The following FOXP1 variants were observed in gnomAD, a reference collection of about 807,000 sequenced individuals.
The protein encoded by FOXP1 is forkhead box P1, also known as forkhead box protein P1.
In FOXP1, 15 loss-of-function variants were observed where a neutral mutation model predicts 98.2. The ratio of observed to expected loss-of-function variants is 0.15; its 90% confidence interval spans 0.10 to 0.24. The LOEUF (loss-of-function observed/expected upper bound fraction) is 0.24, where lower values mean the gene tolerates loss of function less well. Ranked by LOEUF, FOXP1 falls within the 10% of genes least tolerant of loss-of-function variation. The pLI, the probability that FOXP1 is intolerant of heterozygous loss-of-function variation, is 1.00. For missense variants in FOXP1, 633 were observed against 848.5 expected (o/e 0.75, Z 3.15); for synonymous variants, 371 against 314.5 (o/e 1.18, Z -1.90).
chr3:71,112,466 C>T (rs1263187254), intron 7 of FOXP1, 70 bp downstream of exon 7: 2 of 1,199,076 alleles, frequency 1.7e-6, no homozygotes, highest in Admixed American at 1.7e-5. Flanking sequence ...TCAACACAAT[C>T]CACTCCTGAA....
At chr3:71,415,662 G>A (rs2083155908) in intron 3 of FOXP1, among the ~76,000 whole-genome samples, 1 of 151,736 alleles carries the variant, frequency 6.6e-6, no homozygotes, top group South Asian at 2.1e-4. Flanking sequence ...TCATTAGGAA[G>A]TGTAAGTGTA....
chr3:71,521,241 G>A (rs2042961821), intron 2 of FOXP1, among the ~76,000 whole-genome samples: 1 of 152,110 alleles, frequency 6.6e-6, no homozygotes, highest in African/African-American at 2.4e-5. Flanking sequence ...ATATAAGAAG[G>A]GGCCAGGAGG....
chr3:71,287,626 G>A (rs1003469203), intron 5 of FOXP1, among the ~76,000 whole-genome samples: 10 of 151,596 alleles, frequency 6.6e-5, no homozygotes, highest in Admixed American at 5.9e-4. Flanking sequence ...CTAAAAATAC[G>A]AAAATTAGCT....
chr3:71,106,171 AG>A (rs1417414900), intron 7 of FOXP1, among the ~76,000 whole-genome samples: 1 of 152,222 alleles, frequency 6.6e-6, no homozygotes, highest in Admixed American at 6.5e-5. Context: ...AGAGTAGCTA[AG>A]GAGCTGGCCC....
intron 12 of FOXP1, among the ~76,000 whole-genome samples, chr3:71,010,805 C>T (rs1213762264): frequency 6.6e-6 from 1 of 151,972 alleles, no homozygotes; most frequent in Non-Finnish European, 1.5e-5. Context: ...GTACTTGATG[C>T]ATCACTCTCT....
intron 13 of FOXP1, among the ~76,000 whole-genome samples, chr3:70,998,429 C>G (rs986447498): frequency 6.6e-6 from 1 of 152,138 alleles, no homozygotes; most frequent in African/African-American, 2.4e-5. Flanking sequence ...TGAGATTTGG[C>G]CTGGGGTCTG....
intron 3 of FOXP1, among the ~76,000 whole-genome samples, chr3:71,482,139 A>G (rs768353179): frequency 6.6e-6 from 1 of 152,162 alleles, no homozygotes; most frequent in Non-Finnish European, 1.5e-5. Context: ...TGATAAATTA[A>G]GGAACATTTA....
At chr3:71,187,170 T>A (rs1019413206) in intron 6 of FOXP1, among the ~76,000 whole-genome samples, 1 of 152,276 alleles carries the variant, frequency 6.6e-6, no homozygotes, top group Non-Finnish European at 1.5e-5. Context: ...TTTAAAATTA[T>A]GTACAGAATG....
chr3:71,317,552 T>A (rs375508460), intron 4 of FOXP1, among the ~76,000 whole-genome samples: 4 of 152,328 alleles, frequency 2.6e-5, no homozygotes, highest in African/African-American at 7.2e-5. Context: ...GGGAAAGCAA[T>A]TTGGGCTTCT....
At chr3:71,176,587 G>C (rs2061948503) in intron 6 of FOXP1, among the ~76,000 whole-genome samples, 1 of 151,854 alleles carries the variant, frequency 6.6e-6, no homozygotes, top group Admixed American at 6.6e-5. Context: ...TAAAACAAAG[G>C]CCTGCTGGCT....
chr3:71,261,339 A>G (rs993310256), intron 5 of FOXP1, among the ~76,000 whole-genome samples: 2 of 152,112 alleles, frequency 1.3e-5, no homozygotes, highest in African/African-American at 4.8e-5. Context: ...ATTTTTTTTA[A>G]CTTTAGTTTC....
At chr3:71,495,127 T>A (rs1386536238) in intron 2 of FOXP1, among the ~76,000 whole-genome samples, 1 of 152,198 alleles carries the variant, frequency 6.6e-6, no homozygotes, top group Non-Finnish European at 1.5e-5. Flanking sequence ...CTCCTTTTGT[T>A]TCAAGCAAGG....
At chr3:71,156,307 T>C (rs2108100740) in intron 6 of FOXP1, among the ~76,000 whole-genome samples, 1 of 152,288 alleles carries the variant, frequency 6.6e-6, no homozygotes, top group East Asian at 1.9e-4. Context: ...CCTGTATCAC[T>C]TTCTTTCATC....
intron 3 of FOXP1, among the ~76,000 whole-genome samples, chr3:71,424,230 C>T (rs1002604687): frequency 1.3e-5 from 2 of 152,178 alleles, no homozygotes; most frequent in Admixed American, 6.5e-5. Context: ...TTTTGGCGAC[C>T]AGGCAAACAG....
At chr3:71,561,491 T>C (rs960570343) in intron 2 of FOXP1, among the ~76,000 whole-genome samples, 26 of 152,124 alleles carry the variant, frequency 1.7e-4, no homozygotes, top group Non-Finnish European at 3.1e-4. Context: ...TACAGTATTT[T>C]AGATGAAATA....
Position 71,399,049 on chromosome 3 carries a change from T to C in FOXP1, c.-167-39805A>G, listed in dbSNP as rs115506388. Reference sequence around the variant, plus strand: ...TAGCTTGATTTAGACATAAAAGTTATTTGTGATGCCTCGCTGATTATAATA... The same window carrying C: ...TAGCTTGATTTAGACATAAAAGTTACTTGTGATGCCTCGCTGATTATAATA... On this transcript the variant is annotated intron_variant, in intron 3 of 20. Coordinates refer to ENST00000649528, the MANE Select transcript of FOXP1 (RefSeq NM_001349338.3). 3.5e-3 allele frequency among the ~76,000 whole-genome samples: 533 copies of C among 152,304 alleles called. 4 individuals carry two copies. Among genetic ancestry groups the C allele is most frequent in the African/African-American group, 0.012 (516 of 41,570 alleles).
chr3:71,230,109 A>G lies in FOXP1; in HGVS notation c.-11-31717T>C, dbSNP rs1458504025. 1.2e-4 allele frequency among the ~76,000 whole-genome samples: 13 copies of G among 107,000 alleles called. No homozygotes were observed. The Admixed American group carries it at 1.4e-3, about 12-fold the overall frequency. 70.2% of individuals were successfully genotyped at this position (107,000 alleles called of 152,430 possible). A position where few individuals can be genotyped will look rare whatever the true frequency, so the allele number is the denominator to read the frequency against. The stretch of plus-strand genomic sequence containing the variant: ...AAAGATACCAGCAGCCAAAGCAGAC[A>G]CCACTGGGGAGGGGTGGGTGGGGGA... On this transcript the variant is annotated intron_variant, in intron 5 of 20. Coordinates refer to ENST00000649528, the MANE Select transcript of FOXP1 (RefSeq NM_001349338.3).
chr3:71,563,599 G>A (rs780298498), intron 2 of FOXP1, among the ~76,000 whole-genome samples: 1 of 152,202 alleles, frequency 6.6e-6, no homozygotes, highest in African/African-American at 2.4e-5. Flanking sequence ...CCATGAAAAT[G>A]TGGTATTCTA....
At chr3:71,192,179 T>C (rs1317707505) in intron 6 of FOXP1, among the ~76,000 whole-genome samples, 1 of 152,124 alleles carries the variant, frequency 6.6e-6, no homozygotes. Context: ...CTCCAGCAGC[T>C]ACAACGGGAA....
Sources: allele counts gnomAD v4.1 joint callset (sites outside exome capture counted in the v4.1 genomes callset), GRCh38; gene constraint gnomAD v4.1.1; transcripts MANE v1.5; gene names NCBI Gene and HGNC (gene_info 2026-07-23, HGNC 2026-07-21).